DST: variants seen among roughly 807,000 people sequenced by gnomAD.
The protein encoded by DST is bullous pemphigoid antigen.
In DST, 253 loss-of-function variants were observed where a neutral mutation model predicts 875.2. That is an observed-to-expected ratio of 0.29 (90% CI 0.26 to 0.32). The LOEUF is 0.32. Ranked by LOEUF, DST falls within the 10% of genes least tolerant of loss-of-function variation. DST has a pLI of 1.00. For missense variants in DST, 8,287 were observed against 9,111.6 expected (o/e 0.91, Z 3.68); for synonymous variants, 3,124 against 3,197.1 (o/e 0.98, Z 0.77).
At chr6:56,624,896 G>T (rs1440302759) in intron 35 of DST, among the ~76,000 whole-genome samples, 2 of 151,664 alleles carry the variant, frequency 1.3e-5, no homozygotes, top group Non-Finnish European at 1.5e-5. Flanking sequence ...ATTTTTAAAG[G>T]GTTTTTAAAA....
At chr6:56,634,319 AT>A in intron 26 of DST, 61 bp from the exon 27 acceptor site, 1 of 1,612,096 alleles carries the variant, frequency 6.2e-7, no homozygotes, top group African/African-American at 1.3e-5. Flanking sequence ...ACACACTGCA[AT>A]TTTTCTTTTT....
chr6:56,601,430 A>G lies in DST; in HGVS notation c.11541+13T>C. On this transcript the variant is annotated intron_variant, in intron 44 of 103. Transcript: ENST00000680361. Reference sequence around the variant, plus strand: ...AAAAACAATGAATGCCAACTCCACGAAGAAAGGCAAACCTTCTGATCATCA... The same window carrying G: ...AAAAACAATGAATGCCAACTCCACGGAGAAAGGCAAACCTTCTGATCATCA... The G allele has an allele frequency of 6.5e-7, 1 of 1,549,208 alleles. No homozygotes were observed. The highest frequency in any genetic ancestry group is 8.8e-7 in the Non-Finnish European group (1 of 1,137,670).
At chr6:56,790,001 T>C (rs577196543) in intron 4 of DST, among the ~76,000 whole-genome samples, 4 of 152,252 alleles carry the variant, frequency 2.6e-5, no homozygotes, top group African/African-American at 9.6e-5. Flanking sequence ...CCAGGGATGC[T>C]CTCTTCTTTT....
Position 56,918,699 on chromosome 6 carries a change from C to T in DST, c.217-18078G>A, listed in dbSNP as rs531522581. Among the ~76,000 whole-genome samples, 11 of 152,260 alleles carry T rather than the reference C, an allele frequency of 7.2e-5. No homozygotes were observed. The South Asian group carries it at 1.9e-3, about 26-fold the overall frequency. On this transcript the variant is annotated intron_variant, in intron 2 of 103. Transcript: ENST00000680361. ...GCCTTTTTAATTCTATTATCTCCAT[C>T]AACACTGGATAATATAAATCTTTAT...
chr6:56,658,267 A>AAC (rs1257674751), intron 10 of DST, among the ~76,000 whole-genome samples: 3 of 152,324 alleles, frequency 2.0e-5, no homozygotes, highest in East Asian at 3.9e-4. Context: ...ATTGAGGTGG[A>AAC]ACACACACAC....
intron 5 of DST, among the ~76,000 whole-genome samples, chr6:56,720,154 G>A (rs916364267): frequency 2.6e-5 from 4 of 152,080 alleles, no homozygotes; most frequent in Non-Finnish European, 5.9e-5. Flanking sequence ...ACACCCAAGG[G>A]AGCCATTTTA....
chr6:56,573,990 T>C, intron 50 of DST, 103 bp from the exon 51 acceptor site: 1 of 782,570 alleles, frequency 1.3e-6, no homozygotes, highest in Non-Finnish European at 2.0e-6. Flanking sequence ...ACAAAAAATT[T>C]AAAAAATAAA....
At chr6:56,575,236 T>C (rs2097847059) in intron 50 of DST, among the ~76,000 whole-genome samples, 1 of 152,174 alleles carries the variant, frequency 6.6e-6, no homozygotes, top group African/African-American at 2.4e-5. Context: ...AGGTAAGGGC[T>C]GAAAAACTAC....
chr6:56,920,850 T>C (rs2127739080), intron 2 of DST, among the ~76,000 whole-genome samples: 1 of 142,152 alleles, frequency 7.0e-6, no homozygotes, highest in African/African-American at 2.6e-5. Flanking sequence ...TGCCTCAGCC[T>C]CCGGAGTAGC....
intron 4 of DST, among the ~76,000 whole-genome samples, chr6:56,795,666 T>C (rs537569019): frequency 6.6e-6 from 1 of 152,208 alleles, no homozygotes; most frequent in Non-Finnish European, 1.5e-5. Context: ...CATACCAGGA[T>C]TTGGTCAAAG....
chr6:56,608,667 T>TA lies in DST; in HGVS notation c.5960dup (p.Leu1987PhefsTer22). 1 of 1,613,152 alleles carries TA rather than the reference T, an allele frequency of 6.2e-7. No homozygotes were observed. Among genetic ancestry groups the TA allele is most frequent in the Non-Finnish European group, 8.5e-7 (1 of 1,179,560 alleles). ...GACCTCCAGAAAGAAGCTGTGCACT[T>TA]AACAACCTAAACATGGTTTCACGGT... On this transcript the variant is annotated frameshift_variant, in exon 40 of 104. Coordinates refer to ENST00000680361, the MANE Select transcript of DST (RefSeq NM_001374736.1). LOFTEE classifies it high-confidence loss of function.
intron 39 of DST, among the ~76,000 whole-genome samples, 189 bp downstream of exon 39, chr6:56,610,238 T>C (rs952666074): frequency 6.6e-6 from 1 of 152,198 alleles, no homozygotes; most frequent in East Asian, 1.9e-4. Flanking sequence ...CAGAAACTGA[T>C]GGTCAGCATG....
chr6:56,498,216 C>G (rs1000957988), intron 80 of DST, among the ~76,000 whole-genome samples, 163 bp from the exon 81 acceptor site: 1 of 151,990 alleles, frequency 6.6e-6, no homozygotes, highest in African/African-American at 2.4e-5. Context: ...CTCTGTGGCC[C>G]AGGCTGCAGT....
chr6:56,552,273 G>C lies in DST; in HGVS notation c.16519C>G (p.Leu5507Val), dbSNP rs1194369108. 1.2e-6 allele frequency: 2 copies of C among 1,613,878 alleles called. No individual in the cohort carries two copies. Among genetic ancestry groups the C allele is most frequent in the Non-Finnish European group, 1.7e-6 (2 of 1,179,888 alleles). The change falls in exon 61 of 104, where the codon CTG (leucine) becomes GTG (valine). Residue 5507 changes from leucine (L) to valine (V), a missense_variant. By Grantham distance (32) the Leu-to-Val change is conservative. Transcript: ENST00000680361. Reference protein sequence around the residue: ...FYSKLKEFSILLQKAEEHEES... With the variant: ...FYSKLKEFSIVLQKAEEHEES... ...TCATGTTCTTCGGCTTTCTGGAGCA[G>C]AATAGAAAATTCTTTCAATTTGCTG...
In DST at chr6:56,953,418, C is replaced by T. The variant is rs1345135758; in HGVS notation, c.216+367G>A. Among the ~76,000 whole-genome samples the T allele has an allele frequency of 3.3e-5, 5 of 152,344 alleles. No homozygotes were observed. In the East Asian group the frequency reaches 7.7e-4, roughly 23 times the overall value. On this transcript the variant is annotated intron_variant, in intron 2 of 103. Transcript: ENST00000680361. ...ATGGATCAAATTGTTCTGCACTAAC[C>T]TCTTCGTTTATCCAAGTGAACAACC... is the stretch of plus-strand genomic sequence containing the variant.
intron 49 of DST, among the ~76,000 whole-genome samples, chr6:56,581,144 C>G (rs1211158376): frequency 3.3e-5 from 5 of 150,798 alleles, no homozygotes; most frequent in Non-Finnish European, 7.4e-5. Flanking sequence ...CTTTTGGGAC[C>G]CTCCTCCAGA....
intron 49 of DST, among the ~76,000 whole-genome samples, chr6:56,589,294 A>G (rs1010821948): frequency 6.6e-6 from 1 of 152,166 alleles, no homozygotes; most frequent in Non-Finnish European, 1.5e-5. Flanking sequence ...ACATGCCTTT[A>G]CTCTTGACAA....
chr6:56,489,682 G>C lies in DST; in HGVS notation c.20758-73C>G. The stretch of plus-strand genomic sequence containing the variant: ...TACTTGAGATCTAGCACAGTTTTAA[G>C]ACAGAGATTAATAGTGATGAAAATC... On this transcript the variant is annotated intron_variant, in intron 85 of 103. Transcript: ENST00000680361. 2.1e-6 allele frequency: 3 copies of C among 1,401,260 alleles called. No individual in the cohort carries two copies. In the South Asian group the frequency reaches 4.4e-5, roughly 21 times the overall value. 86.8% of individuals were successfully genotyped at this position (1,401,260 alleles called of 1,614,324 possible).
At chr6:56,688,011 C>CT (rs1391523060) in intron 9 of DST, among the ~76,000 whole-genome samples, 1 of 152,040 alleles carries the variant, frequency 6.6e-6, no homozygotes, top group East Asian at 1.9e-4. Flanking sequence ...GAAAGGCTAC[C>CT]TTTTTTTGTA....
Sources: gnomAD v4.1 joint callset for allele counts (sites outside exome capture counted in the v4.1 genomes callset) on GRCh38, gnomAD v4.1.1 for gene constraint, MANE v1.5 for transcripts, NCBI Gene and HGNC (gene_info 2026-07-23, HGNC 2026-07-21) for gene names.